The following PI4KA variants were observed in gnomAD, a reference collection of about 807,000 sequenced individuals.
The protein encoded by PI4KA is PI4-kinase alpha.
A neutral mutation model predicts 271.4 loss-of-function variants in PI4KA; 122 were observed. The observed-to-expected ratio is 0.45, with a 90% CI of 0.39 to 0.52. The LOEUF is 0.52. PI4KA is among the 20% of genes least tolerant of loss of function. PI4KA has a pLI of 0.00. For missense variants in PI4KA, 1,969 were observed against 2,769.1 expected (o/e 0.71, Z 6.48); for synonymous variants, 1,041 against 1,078.8 (o/e 0.96, Z 0.69).
rs111788006 is a variant in PI4KA, at chr22:20,744,706, G to A, written c.3378C>T (p.Ser1126=). The A allele has an allele frequency of 1.1e-5, 17 of 1,613,868 alleles. No homozygotes were observed. The highest frequency in any genetic ancestry group is 1.6e-4 in the Middle Eastern group (1 of 6,062). ...QNTTLGATQL[S]ERPACVKKDY... ...CTTTCTTCACACAGGCCGGGCGCTC[G>A]CTCAGCTGAGTTGCCTACAGACAGA... is the stretch of plus-strand genomic sequence containing the variant. Residue 1126 remains serine, a synonymous_variant, in exon 30 of 55, where the codon AGC becomes AGT. Transcript: ENST00000255882.
chr22:20,787,017 C>A (rs748085550), intron 19 of PI4KA: 3 of 1,614,082 alleles, frequency 1.9e-6, no homozygotes, highest in Non-Finnish European at 2.5e-6. Context: ...GAGCATCGCA[C>A]CAGCTGCCTG....
chr22:20,808,769 C>T (rs977519757), intron 9 of PI4KA, among the ~76,000 whole-genome samples: 3 of 151,644 alleles, frequency 2.0e-5, no homozygotes, highest in East Asian at 3.9e-4. Context: ...GCCTTGAACT[C>T]CTGGGCTCAA....
chr22:20,849,235 A>G (rs1341938410), intron 1 of PI4KA, among the ~76,000 whole-genome samples: 2 of 152,224 alleles, frequency 1.3e-5, no homozygotes, highest in Admixed American at 1.3e-4. Flanking sequence ...AGCCCTCTGT[A>G]CACCGTTGGT....
At chr22:20,765,749 C>A in intron 19 of PI4KA, 56 bp from the exon 20 acceptor site, 2 of 1,153,270 alleles carry the variant, frequency 1.7e-6, no homozygotes, top group Non-Finnish European at 2.6e-6. Context: ...AAACCCTAAG[C>A]CCTGTAGGTG....
chr22:20,777,986 C>A (rs1158350099), intron 19 of PI4KA, among the ~76,000 whole-genome samples: 4 of 152,120 alleles, frequency 2.6e-5, no homozygotes, highest in African/African-American at 9.7e-5. Context: ...CTGACATCAC[C>A]CTCACACAGA....
At chr22:20,842,599 G>A (rs1925694804) in intron 1 of PI4KA, among the ~76,000 whole-genome samples, 1 of 146,900 alleles carries the variant, frequency 6.8e-6, no homozygotes, top group South Asian at 2.2e-4. Context: ...GATCACATGA[G>A]GCCAGGAGTT....
intron 32 of PI4KA, among the ~76,000 whole-genome samples, chr22:20,734,976 TC>T (rs1601363834): frequency 6.6e-6 from 1 of 152,076 alleles, no homozygotes; most frequent in Non-Finnish European, 1.5e-5. Context: ...TGGCTCCTCC[TC>T]TCCACCCCAC....
chr22:20,825,068 T>TCAAAAA lies in PI4KA; in HGVS notation c.368-660_368-655dup, dbSNP rs1923229328. Among the ~76,000 whole-genome samples the TCAAAAA allele has an allele frequency of 6.6e-4, 2 of 3,030 alleles. 1 individual carries two copies. The highest frequency in any genetic ancestry group is 1.7e-3 in the Non-Finnish European group (2 of 1,180). 2.0% of individuals were successfully genotyped at this position (3,030 alleles called of 152,430 possible). On this transcript the variant is annotated intron_variant, in intron 3 of 54. Coordinates refer to ENST00000255882, the MANE Select transcript of PI4KA (RefSeq NM_058004.4). ...CTGGGTGACAGAATGAGACGCCATC[T>TCAAAAA]CAAAAAAAAAAAAAAAAATCAATTT...
At chr22:20,736,814 A>C (rs1296097948) in intron 32 of PI4KA, 1 of 154,708 alleles carries the variant, frequency 6.5e-6, no homozygotes, top group African/African-American at 2.4e-5. Flanking sequence ...TCTACAGTGA[A>C]GGGAAGGGTC....
At chr22:20,839,372 T>C (rs1925275571) in intron 1 of PI4KA, among the ~76,000 whole-genome samples, 1 of 152,076 alleles carries the variant, frequency 6.6e-6, no homozygotes, top group South Asian at 2.1e-4. Flanking sequence ...CTCTGAGTAA[T>C]ATGAGCTGAA....
intron 19 of PI4KA, chr22:20,785,913 A>G (rs1408557789): frequency 6.4e-7 from 1 of 1,551,170 alleles, no homozygotes. Flanking sequence ...TCTGTGATAA[A>G]TATAACCCGT....
chr22:20,830,472 CTT>C (rs1243808610), intron 3 of PI4KA, among the ~76,000 whole-genome samples: 2 of 152,134 alleles, frequency 1.3e-5, no homozygotes, highest in Admixed American at 6.5e-5. Context: ...AATCCCTGCT[CTT>C]TTTTCCATTT....
At chr22:20,770,534 A>AAAG (rs763087074) in intron 19 of PI4KA, among the ~76,000 whole-genome samples, 26,950 of 76,616 alleles carry the variant, frequency 0.35, 8,248 homozygotes, top group African/African-American at 0.46. Flanking sequence ...AAAAAAAAAG[A>AAAG]GAGAGAGAGA....
At position 20,798,677 on chromosome 22, in the gene PI4KA, T is replaced by C. The variant is rs1935119498; in HGVS notation, c.2015A>G (p.Tyr672Cys). 6.2e-7 allele frequency: 1 copy of C among 1,610,742 alleles called. No individual in the cohort carries two copies. Among genetic ancestry groups the C allele is most frequent in the Non-Finnish European group, 8.5e-7 (1 of 1,176,940 alleles). ...CTGGAAGAGGTTCCACACTTCCTGA[T>C]AGATGTATTGCTGGGAGAGAGCAAG... is the stretch of plus-strand genomic sequence containing the variant. The part of the protein sequence containing the change: ...CLVITGNQYI[Y>C]QEVWNLFQQI... The change falls in exon 17 of 55, where the codon TAT (tyrosine) becomes TGT (cysteine). Residue 672 changes from tyrosine (Y) to cysteine (C), a missense_variant. By Grantham distance (194) the Tyr-to-Cys change is radical. Around this residue, in one of 13 missense-constraint regions of PI4KA, gnomAD observed 368 missense variants for 544.3 expected, o/e 0.68. Transcript: ENST00000255882.
Position 20,802,080 on chromosome 22 carries a change from A to C in PI4KA, c.1617T>G (p.Ser539Arg). The C allele has an allele frequency of 6.2e-7, 1 of 1,614,074 alleles. No individual in the cohort carries two copies. The highest frequency in any genetic ancestry group is 8.5e-7 in the Non-Finnish European group (1 of 1,179,974). ...TTGACTCGGAATGCTCATTGGTCAC[A>C]CTGATTTTTATATCATTGCCAGCAA... ...HTVAGNDIKI[S>R]VTNEHSESTL... Residue 539 changes from serine to arginine, a missense_variant, in exon 14 of 55, where the codon AGT becomes AGG. Around this residue, in one of 13 missense-constraint regions of PI4KA, gnomAD observed 228 missense variants for 261.6 expected, o/e 0.87. Coordinates refer to ENST00000255882, the MANE Select transcript of PI4KA (RefSeq NM_058004.4).
At chr22:20,766,558 G>A (rs1011084476) in intron 19 of PI4KA, among the ~76,000 whole-genome samples, 35 of 152,122 alleles carry the variant, frequency 2.3e-4, no homozygotes, top group African/African-American at 5.3e-4. Context: ...CCAGCTACTC[G>A]GGAGATTGAG....
rs375546348 is a variant in PI4KA at position 20,817,499 on chromosome 22, A to T, written c.856+984T>A. Among the ~76,000 whole-genome samples the T allele has an allele frequency of 1.8e-4, 27 of 151,832 alleles. No homozygotes were observed. In the East Asian group the frequency reaches 4.3e-3, roughly 24 times the overall value. On this transcript the variant is annotated intron_variant, in intron 7 of 54. Transcript: ENST00000255882. ...GGCTGTAATCCTAGCACTTTGAGAG[A>T]CCAAGGCAGGCGTTCCCTTGAGCCT...
In PI4KA at chr22:20,858,550, G is replaced by A; in HGVS notation, c.156+20C>T. On this transcript the variant is annotated intron_variant, in intron 1 of 54. Transcript: ENST00000255882. ...CAGCCCCTCCTCCTGTCAGCCCGCGGCCCAGCCCGCCGACGTTACCTTCTC... is the reference window on the plus strand; with the variant it reads ...CAGCCCCTCCTCCTGTCAGCCCGCGACCCAGCCCGCCGACGTTACCTTCTC... The A allele has an allele frequency of 2.9e-6, 4 of 1,360,572 alleles. No homozygotes were observed. Among genetic ancestry groups the A allele is most frequent in the South Asian group, 1.7e-5 (1 of 58,390 alleles). The allele number at this position is 1,360,572 out of a possible 1,614,324, so 84.3% of individuals were successfully genotyped here.
At chr22:20,818,453 C>G (rs768765278) in intron 7 of PI4KA, 30 bp downstream of exon 7, 7 of 1,543,936 alleles carry the variant, frequency 4.5e-6, no homozygotes, top group Admixed American at 1.9e-5. Flanking sequence ...AGTATTACGT[C>G]AAAATATTCT....
Sources: allele counts gnomAD v4.1 joint callset (sites outside exome capture counted in the v4.1 genomes callset), GRCh38; gene constraint gnomAD v4.1.1; regional missense constraint gnomAD v4.1.1; transcripts MANE v1.5; gene names NCBI Gene and HGNC (gene_info 2026-07-23, HGNC 2026-07-21).